The following TMPRSS6 variants were observed in gnomAD, a reference collection of about 807,000 sequenced individuals.
TMPRSS6 encodes the protein transmembrane protease serine 6.
TMPRSS6 carries 67 observed loss-of-function variants against 101.5 expected under a neutral mutation model. The ratio of observed to expected loss-of-function variants is 0.66; its 90% CI spans 0.54 to 0.81. TMPRSS6 has a LOEUF of 0.81. TMPRSS6 is among the 30% of genes least tolerant of loss of function. TMPRSS6 has a pLI of 0.00. For synonymous variants in TMPRSS6, 453 were observed against 464.9 expected (o/e 0.97, Z 0.33); for missense variants, 1,034 against 1,088.7 (o/e 0.95, Z 0.71).
At chr22:37,084,908 G>T in intron 8 of TMPRSS6, 69 bp from the exon 9 acceptor site, 1 of 1,215,314 alleles carries the variant, frequency 8.2e-7, no homozygotes, top group Non-Finnish European at 1.2e-6. Flanking sequence ...GGCGCAGCTT[G>T]TAACCCCACC....
At chr22:37,095,305 C>T (rs567451952) in intron 6 of TMPRSS6, among the ~76,000 whole-genome samples, 67 of 152,242 alleles carry the variant, frequency 4.4e-4, no homozygotes, top group African/African-American at 1.4e-3. Flanking sequence ...CACACAGGAA[C>T]GCATGCACAC....
intron 11 of TMPRSS6, 57 bp from the exon 12 acceptor site, chr22:37,074,765 CCGCGAAGG>C: frequency 8.3e-6 from 13 of 1,571,588 alleles, no homozygotes; most frequent in Non-Finnish European, 1.1e-5. Context: ...CCATGCGTAG[CCGCGAAGG>C]CGCACAAAGA....
intron 10 of TMPRSS6, among the ~76,000 whole-genome samples, chr22:37,076,826 A>G (rs957274789): frequency 7.9e-5 from 12 of 152,220 alleles, no homozygotes; most frequent in Admixed American, 3.9e-4. Flanking sequence ...GCAGGTTGAA[A>G]ATCTGCAGGG....
At chr22:37,095,479 C>T (rs540994420) in intron 6 of TMPRSS6, 72 bp downstream of exon 6, 2 of 1,574,112 alleles carry the variant, frequency 1.3e-6, no homozygotes, top group African/African-American at 1.4e-5. Context: ...ATGTGTCCCC[C>T]TGATACACAA....
chr22:37,099,781 C>T (rs557617901), intron 2 of TMPRSS6, among the ~76,000 whole-genome samples: 3 of 150,896 alleles, frequency 2.0e-5, no homozygotes, highest in Non-Finnish European at 3.0e-5. Flanking sequence ...ATGTCCCAGG[C>T]AGGGGCAAGT....
rs559680092 is a variant in TMPRSS6, at chr22:37,078,135, G to A, written c.1197-2855C>T. ...GCCAGGGGTTGGGAAGGACTAGTGC[G>A]GGGAATGAGGAGTCAAGCGCATCCC... On this transcript the variant is annotated intron_variant, in intron 10 of 17. Coordinates refer to ENST00000676104, the MANE Select transcript of TMPRSS6 (RefSeq NM_001374504.1). 4.4e-3 allele frequency among the ~76,000 whole-genome samples: 672 copies of A among 152,314 alleles called. 7 individuals carry two copies. The highest frequency in any genetic ancestry group is 4.6e-3 in the Admixed American group (70 of 15,304).
chr22:37,079,080 G>C (rs983664374), intron 10 of TMPRSS6, among the ~76,000 whole-genome samples: 8 of 152,146 alleles, frequency 5.3e-5, no homozygotes, highest in Admixed American at 2.0e-4. Flanking sequence ...CCCCATCATA[G>C]ACTCTAGCCC....
intron 1 of TMPRSS6, among the ~76,000 whole-genome samples, chr22:37,108,010 A>G (rs890943702): frequency 6.6e-6 from 1 of 152,122 alleles, no homozygotes; most frequent in African/African-American, 2.4e-5. Context: ...CTTCCTCCCT[A>G]CAGAAGTCCA....
intron 14 of TMPRSS6, 76 bp from the exon 15 acceptor site, chr22:37,070,728 G>A: frequency 6.7e-7 from 1 of 1,495,314 alleles, no homozygotes. Context: ...GAAGGGCAAA[G>A]GAAAGAGATG....
At chr22:37,078,115 G>T (rs146944511) in intron 10 of TMPRSS6, among the ~76,000 whole-genome samples, 2,793 of 152,358 alleles carry the variant, frequency 0.018, 31 homozygotes, top group Non-Finnish European at 0.027. Flanking sequence ...GGGGAGCCAG[G>T]GGTTGGGAAG....
intron 12 of TMPRSS6, 109 bp downstream of exon 12, chr22:37,074,501 A>T: frequency 9.4e-7 from 1 of 1,062,906 alleles, no homozygotes; most frequent in Non-Finnish European, 1.4e-6. Context: ...GGGTGCTCAT[A>T]ATGGAAGCTG....
chr22:37,096,247 A>G (rs1369312674), intron 4 of TMPRSS6, among the ~76,000 whole-genome samples, 157 bp from the exon 5 acceptor site: 3 of 152,240 alleles, frequency 2.0e-5, no homozygotes, highest in Admixed American at 2.0e-4. Context: ...AGGCGCTCTC[A>G]TAATCCTTAT....
At chr22:37,096,933 G>A (rs548192213) in intron 3 of TMPRSS6, among the ~76,000 whole-genome samples, 80 of 152,148 alleles carry the variant, frequency 5.3e-4, no homozygotes, top group African/African-American at 1.8e-3. Flanking sequence ...CACTACACCC[G>A]ACTCTCACCT....
chr22:37,083,964 T>C (rs1928462458), intron 10 of TMPRSS6: 2 of 534,222 alleles, frequency 3.7e-6, no homozygotes, highest in Admixed American at 3.2e-5. Context: ...AAACATTTTA[T>C]TGAAGGATTG....
rs142796336 is a variant in TMPRSS6, at chr22:37,098,502, G to A, written c.250C>T (p.Arg84Cys). 42 of 1,614,036 alleles carry A rather than the reference G, an allele frequency of 2.6e-5. No homozygotes were observed. The African/African-American group carries it at 2.9e-4, about 11-fold the overall frequency. The change falls in exon 3 of 18, where the codon CGT becomes TGT. Residue 84 changes from arginine (R) to cysteine (C), a missense_variant. Coordinates refer to ENST00000676104, the MANE Select transcript of TMPRSS6 (RefSeq NM_001374504.1). ...MVSQVYSGSL[R>C]VLNRHFSQDL... ...TGGGAGAAGTGGCGATTGAGTACAC[G>A]CAGACTGCCTGAGTACACCTGGCTG...
intron 7 of TMPRSS6, among the ~76,000 whole-genome samples, chr22:37,088,881 G>A (rs1028467189): frequency 1.4e-4 from 22 of 152,176 alleles, no homozygotes; most frequent in African/African-American, 2.9e-4. Flanking sequence ...CCAATGATCC[G>A]GCAAGGTAAG....
At chr22:37,070,361 G>T in intron 15 of TMPRSS6, 123 bp downstream of exon 15, 1 of 1,280,962 alleles carries the variant, frequency 7.8e-7, no homozygotes, top group Non-Finnish European at 1.1e-6. Context: ...CATCACAGTA[G>T]CCTGTCTGGG....
intron 10 of TMPRSS6, chr22:37,080,150 G>C (rs933401278): frequency 1.3e-5 from 2 of 152,292 alleles, no homozygotes; most frequent in African/African-American, 4.8e-5. Flanking sequence ...AAATGGAGCA[G>C]CCATGGCCAG....
At position 37,070,986 on chromosome 22, in the gene TMPRSS6, G is replaced by A. The variant is rs749337810; in HGVS notation, c.1602C>T (p.Cys534=). Residue 534 remains cysteine (C), a synonymous_variant, in exon 14 of 18, where the codon TGC becomes TGT. Coordinates refer to ENST00000676104, the MANE Select transcript of TMPRSS6 (RefSeq NM_001374504.1). The part of the protein sequence containing the change: ...TFTFQCEDRS[C]VKKPNPQCDG... Reference sequence around the variant, plus strand: ...CACACTGCGGGTTGGGCTTCTTCACGCAGCTCCGGTCCTCACACTGGAAGG... The same window carrying A: ...CACACTGCGGGTTGGGCTTCTTCACACAGCTCCGGTCCTCACACTGGAAGG... 12 of 1,613,060 alleles carry A rather than the reference G, an allele frequency of 7.4e-6. No individual in the cohort carries two copies. Among genetic ancestry groups the A allele is most frequent in the African/African-American group, 1.3e-5 (1 of 74,788 alleles).
Sources: gnomAD v4.1 joint callset for allele counts (sites outside exome capture counted in the v4.1 genomes callset) on GRCh38, gnomAD v4.1.1 for gene constraint, MANE v1.5 for transcripts, NCBI Gene and HGNC (gene_info 2026-07-23, HGNC 2026-07-21) for gene names.